IFT140: variants seen among roughly 807,000 people sequenced by gnomAD.
IFT140 encodes the protein intraflagellar transport 140.
Under a neutral mutation model 164.6 loss-of-function variants are expected in IFT140, and 133 were observed. The ratio of observed to expected loss-of-function variants is 0.81; its 90% CI spans 0.70 to 0.93. The LOEUF (loss-of-function observed/expected upper bound fraction) is 0.93, where lower values mean the gene tolerates loss of function less well. IFT140 is among the 40% of genes least tolerant of loss of function. The pLI is 0.00. For synonymous variants in IFT140, 860 were observed against 817.3 expected (o/e 1.05, Z -0.89); for missense variants, 2,045 against 1,972.3 (o/e 1.04, Z -0.70).
chr16:1,557,731 C>T, intron 19 of IFT140: 1 of 594,744 alleles, frequency 1.7e-6, no homozygotes. Context: ...GAGAGGCTCC[C>T]AGCACCAGAG....
chr16:1,578,857 G>A (rs138751085), intron 13 of IFT140, among the ~76,000 whole-genome samples: 223 of 152,232 alleles, frequency 1.5e-3, no homozygotes, highest in African/African-American at 4.8e-3. Flanking sequence ...CACTATAGGC[G>A]TGCGCCACCA....
rs2030446476 is a variant in IFT140, at chr16:1,531,149, G to A, written c.2400-4353C>T. Reference sequence around the variant, plus strand: ...ACTCCGGTGTGGGGTTCTGGGGTTTGTGCATCTGACATAAATTCCAAGAAG... The same window carrying A: ...ACTCCGGTGTGGGGTTCTGGGGTTTATGCATCTGACATAAATTCCAAGAAG... On this transcript the variant is annotated intron_variant, in intron 19 of 30. Coordinates refer to ENST00000426508, the MANE Select transcript of IFT140 (RefSeq NM_014714.4). This position sits in a 1 kb window ranked among gnomAD's most constrained non-coding sequence, Gnocchi z 4.7. 6.6e-6 allele frequency: 1 copy of A among 152,258 alleles called. No individual in the cohort carries two copies. Among genetic ancestry groups the A allele is most frequent in the Admixed American group, 6.5e-5 (1 of 15,286 alleles). 9.4% of individuals were successfully genotyped at this position (152,258 alleles called of 1,614,324 possible).
intron 4 of IFT140, among the ~76,000 whole-genome samples, chr16:1,595,464 A>C (rs1234351452): frequency 6.9e-6 from 1 of 145,256 alleles, no homozygotes; most frequent in Non-Finnish European, 1.5e-5. Context: ...AAAAATACAA[A>C]ATTAGCCAGG....
intron 2 of IFT140, among the ~76,000 whole-genome samples, chr16:1,608,312 G>A (rs933588539): frequency 6.6e-6 from 1 of 152,210 alleles, no homozygotes; most frequent in African/African-American, 2.4e-5. Context: ...TTAACTGGCA[G>A]AGAAGAACAT....
At chr16:1,570,748 CCT>C (rs1363945870) in intron 14 of IFT140, among the ~76,000 whole-genome samples, 2 of 152,108 alleles carry the variant, frequency 1.3e-5, no homozygotes, top group African/African-American at 4.8e-5. Context: ...GTCCTGGGGT[CCT>C]CTAACATTCT....
chr16:1,569,297 C>T (rs1184754570), intron 14 of IFT140, among the ~76,000 whole-genome samples: 4 of 152,152 alleles, frequency 2.6e-5, no homozygotes, highest in African/African-American at 4.8e-5. Context: ...CGTGAGCCAC[C>T]GCGCTCGGCC....
chr16:1,513,467 C>G (rs1298792603), intron 30 of IFT140, among the ~76,000 whole-genome samples: 3 of 151,976 alleles, frequency 2.0e-5, no homozygotes, highest in South Asian at 2.1e-4. Flanking sequence ...TGCCACTGCA[C>G]TCCAGCTGGG....
intron 6 of IFT140, among the ~76,000 whole-genome samples, chr16:1,590,374 C>T (rs2035116030): frequency 1.3e-5 from 2 of 152,138 alleles, no homozygotes; most frequent in South Asian, 2.1e-4. Context: ...CTGGCAGCCT[C>T]GGAGCTCTGA....
Position 1,511,077 on chromosome 16 carries a change from G to A in IFT140, c.4256C>T (p.Ala1419Val), listed in dbSNP as rs1397455159. Residue 1419 changes from alanine to valine, a missense_variant, in exon 31 of 31, where the codon GCC (alanine) becomes GTC (valine). Coordinates refer to ENST00000426508, the MANE Select transcript of IFT140 (RefSeq NM_014714.4). Reference sequence around the variant, plus strand: ...CAGCCCCCGGTGCACGGCGTCCACGGCCTGCGGGCTCACGTAGTAGGACAT... The same window carrying A: ...CAGCCCCCGGTGCACGGCGTCCACGACCTGCGGGCTCACGTAGTAGGACAT... Reference protein sequence around the residue: ...ANMSYYVSPQAVDAVHRGLGL... With the variant: ...ANMSYYVSPQVVDAVHRGLGL... 3.7e-6 allele frequency: 6 copies of A among 1,609,794 alleles called. No homozygotes were observed. Among genetic ancestry groups the A allele is most frequent in the African/African-American group, 2.7e-5 (2 of 74,924 alleles).
rs919710732 is a variant in IFT140, at chr16:1,533,079, G to A, written c.2400-6283C>T. On this transcript the variant is annotated intron_variant, in intron 19 of 30. Transcript: ENST00000426508. The surrounding 1 kb of genome is among the most constrained non-coding windows in gnomAD (Gnocchi z 4.7). ...CCAAGTACAGGTCCCTGGCCCCGAG[G>A]TCCTCCAAGTACAGGTCCCTGGCCC... 5 of 150,964 alleles carry A rather than the reference G, an allele frequency of 3.3e-5. No individual in the cohort carries two copies. The highest frequency in any genetic ancestry group is 1.2e-4 in the African/African-American group (5 of 40,234). The allele number at this position is 150,964 out of a possible 1,614,324, so 9.4% of individuals were successfully genotyped here.
intron 17 of IFT140, among the ~76,000 whole-genome samples, chr16:1,563,191 C>G (rs756048715): frequency 6.6e-6 from 1 of 152,108 alleles, no homozygotes; most frequent in Non-Finnish European, 1.5e-5. Context: ...CCCCTCCCTG[C>G]TCTGGTGGTG....
intron 10 of IFT140, 25 bp from the exon 11 acceptor site, chr16:1,584,445 A>G (rs748781330): frequency 6.4e-7 from 1 of 1,570,272 alleles, no homozygotes; most frequent in South Asian, 1.2e-5. Flanking sequence ...TGCAAGAGAA[A>G]GAACCAGATG....
At chr16:1,517,825 T>G (rs1279376421) in intron 30 of IFT140, among the ~76,000 whole-genome samples, 3 of 152,090 alleles carry the variant, frequency 2.0e-5, no homozygotes, top group Non-Finnish European at 2.9e-5. Context: ...GACTGTTACT[T>G]TTTGCTACCG....
chr16:1,579,763 G>T (rs937562781), intron 13 of IFT140, among the ~76,000 whole-genome samples: 1 of 152,074 alleles, frequency 6.6e-6, no homozygotes, highest in East Asian at 1.9e-4. Flanking sequence ...TCAGGAGTTC[G>T]AGATCAGCCT....
In IFT140 at chr16:1,607,242, T is replaced by C. The variant is rs750743503; in HGVS notation, c.25A>G (p.Ile9Val). ...GACCCTGCTGCATCCGGGGCTTCTA[T>C]CTGGTGGTCATAATAGAGGGCCATG... is the stretch of plus-strand genomic sequence containing the variant. Reference protein sequence around the residue: MALYYDHQIEAPDAAGSPS... With the variant: MALYYDHQVEAPDAAGSPS... The change falls in exon 3 of 31, where the codon ATA (isoleucine) becomes GTA (valine). Residue 9 changes from isoleucine to valine, a missense_variant. Physicochemically the swap from Ile to Val is conservative, Grantham distance 29. Transcript: ENST00000426508. The C allele has an allele frequency of 6.2e-7, 1 of 1,614,062 alleles. No individual in the cohort carries two copies. Among genetic ancestry groups the C allele is most frequent in the Non-Finnish European group, 8.5e-7 (1 of 1,180,006 alleles).
rs1484060657 is a variant in IFT140, at chr16:1,564,448, A to G, written c.1902-286T>C. On this transcript the variant is annotated intron_variant, in intron 16 of 30. Transcript: ENST00000426508. This position sits in a 1 kb window ranked among gnomAD's most constrained non-coding sequence, Gnocchi z 5.5. ...TTATGGGGGCCCAGAAGAATCCCCA[A>G]AGCAAAAGGGACCCTTTTCCTTTTC... 6.6e-6 allele frequency among the ~76,000 whole-genome samples: 1 copy of G among 152,196 alleles called. No individual in the cohort carries two copies. Among genetic ancestry groups the G allele is most frequent in the Non-Finnish European group, 1.5e-5 (1 of 68,038 alleles).
chr16:1,587,666 A>G (rs574261663), intron 8 of IFT140, among the ~76,000 whole-genome samples: 11 of 152,186 alleles, frequency 7.2e-5, no homozygotes, highest in Non-Finnish European at 1.6e-4. Flanking sequence ...AAACCAGGCA[A>G]AGAGATTCCA....
chr16:1,602,413 A>G lies in IFT140; in HGVS notation c.326T>C (p.Leu109Pro). The G allele has an allele frequency of 4.3e-6, 7 of 1,614,180 alleles. No individual in the cohort carries two copies. The highest frequency in any genetic ancestry group is 5.1e-6 in the Non-Finnish European group (6 of 1,180,038). Residue 109 changes from leucine to proline, a missense_variant, in exon 4 of 31, where the codon CTC becomes CCC. Physicochemically the swap from Leu to Pro is moderately conservative, Grantham distance 98. Transcript: ENST00000426508. ...PLTHTADITV[L>P]RWSPSGNCLL... The stretch of plus-strand genomic sequence containing the variant: ...GCAGTTTCCACTGGGGCTCCAACGG[A>G]GCACGGTGATGTCGGCTGTGTGTGT...
At chr16:1,584,553 T>C (rs954275260) in intron 10 of IFT140, 133 bp from the exon 11 acceptor site, 38 of 711,336 alleles carry the variant, frequency 5.3e-5, no homozygotes, top group Non-Finnish European at 8.2e-5. Flanking sequence ...ACTTAAAAAA[T>C]GATCTTATAA....
Sources: allele counts gnomAD v4.1 joint callset (sites outside exome capture counted in the v4.1 genomes callset), GRCh38; gene constraint gnomAD v4.1.1; non-coding constraint Gnocchi (gnomAD v3.1); transcripts MANE v1.5; gene names NCBI Gene and HGNC (gene_info 2026-07-23, HGNC 2026-07-21).